Variants in SLC4A4 observed in about 807,000 individuals in gnomAD.
SLC4A4 encodes the protein electrogenic sodium bicarbonate cotransporter 1.
A neutral mutation model predicts 111.5 loss-of-function variants in SLC4A4; 27 were observed. The observed-to-expected ratio is 0.24, with a 90% confidence interval of 0.18 to 0.33. SLC4A4 has a LOEUF of 0.33. SLC4A4 is among the 10% of genes least tolerant of loss of function. SLC4A4 has a pLI of 1.00. For missense variants in SLC4A4, 909 were observed against 1,315.5 expected (o/e 0.69, Z 4.78); for synonymous variants, 443 against 463.4 (o/e 0.96, Z 0.57).
chr4:71,169,218 G>A (rs1274328140), intron 2 of SLC4A4, among the ~76,000 whole-genome samples: 4 of 149,904 alleles, frequency 2.7e-5, no homozygotes, highest in Admixed American at 2.0e-4. Flanking sequence ...GTTTCACCAT[G>A]TTGGTCAGGC....
At chr4:71,293,199 C>A (rs866853768) in intron 3 of SLC4A4, among the ~76,000 whole-genome samples, 4 of 151,182 alleles carry the variant, frequency 2.6e-5, no homozygotes, top group Non-Finnish European at 4.4e-5. Flanking sequence ...TGACTACTTA[C>A]TTGATTAATA....
At chr4:71,084,521 A>C (rs937038972) in intron 1 of SLC4A4, among the ~76,000 whole-genome samples, 7 of 152,022 alleles carry the variant, frequency 4.6e-5, no homozygotes, top group Non-Finnish European at 8.8e-5. Context: ...GTCATTTAAC[A>C]TTAGGTATAT....
intron 7 of SLC4A4, chr4:71,437,552 T>C (rs1231473073): frequency 9.9e-6 from 5 of 504,952 alleles, no homozygotes; most frequent in Non-Finnish European, 2.0e-5. Context: ...AAAACAATGC[T>C]TGGCATTTTT....
At chr4:71,472,316 T>A (rs1244739903) in intron 13 of SLC4A4, among the ~76,000 whole-genome samples, 3 of 151,946 alleles carry the variant, frequency 2.0e-5, no homozygotes, top group Non-Finnish European at 4.4e-5. Flanking sequence ...GATCTTCATG[T>A]CTTTATGAAC....
intron 7 of SLC4A4, among the ~76,000 whole-genome samples, chr4:71,412,970 C>T (rs898578725): frequency 1.3e-5 from 2 of 152,236 alleles, no homozygotes; most frequent in South Asian, 2.1e-4. Context: ...GATCTCAGGT[C>T]AATATGTCAG....
intron 6 of SLC4A4, among the ~76,000 whole-genome samples, chr4:71,391,753 AAC>A (rs916253417): frequency 1.7e-4 from 26 of 152,000 alleles, no homozygotes; most frequent in Admixed American, 1.2e-3. Context: ...AATCTTAAAA[AAC>A]ACAAAGTTTC....
At chr4:71,512,193 C>G (rs1244414448) in intron 16 of SLC4A4, among the ~76,000 whole-genome samples, 2 of 152,072 alleles carry the variant, frequency 1.3e-5, no homozygotes, top group African/African-American at 2.4e-5. Flanking sequence ...TTTGGGAAAT[C>G]TCAATAGTGT....
chr4:71,160,574 G>A (rs1163265729), intron 2 of SLC4A4, among the ~76,000 whole-genome samples: 1 of 151,968 alleles, frequency 6.6e-6, no homozygotes, highest in East Asian at 1.9e-4. Flanking sequence ...TGTGGACAGA[G>A]GGAAAGGGGC....
chr4:71,438,837 A>G (rs572952164), intron 7 of SLC4A4, among the ~76,000 whole-genome samples: 40 of 152,296 alleles, frequency 2.6e-4, no homozygotes, highest in African/African-American at 9.1e-4. Flanking sequence ...ATTTTGCCTT[A>G]TGAATGGTTA....
chr4:71,285,952 T>C (rs1723880961), intron 3 of SLC4A4, among the ~76,000 whole-genome samples: 2 of 152,060 alleles, frequency 1.3e-5, no homozygotes, highest in Admixed American at 1.3e-4. Flanking sequence ...AAAGTTCAGA[T>C]TTCTGGCCAG....
chr4:71,087,153 A>C (rs1742202751), intron 1 of SLC4A4, among the ~76,000 whole-genome samples: 1 of 152,012 alleles, frequency 6.6e-6, no homozygotes, highest in Non-Finnish European at 1.5e-5. Flanking sequence ...TGTATCGAGG[A>C]ATGTATCCAT....
chr4:71,533,032 T>G (rs1428467366), intron 17 of SLC4A4, among the ~76,000 whole-genome samples: 1 of 152,126 alleles, frequency 6.6e-6, no homozygotes, highest in Non-Finnish European at 1.5e-5. Flanking sequence ...ACAAGTCTTT[T>G]ATCTATTTTC....
At chr4:71,559,486 T>C (rs1736762450) in intron 22 of SLC4A4, among the ~76,000 whole-genome samples, 1 of 151,784 alleles carries the variant, frequency 6.6e-6, no homozygotes, top group South Asian at 2.1e-4. Context: ...ATAATACCTA[T>C]TTTGGGGGTT....
chr4:71,354,954 C>T (rs1007092597), intron 5 of SLC4A4, among the ~76,000 whole-genome samples: 7 of 152,098 alleles, frequency 4.6e-5, no homozygotes, highest in Non-Finnish European at 8.8e-5. Flanking sequence ...TTTTGAACAC[C>T]GAAGGCTTAA....
chr4:71,284,583 C>A (rs1723763246), intron 3 of SLC4A4, among the ~76,000 whole-genome samples: 1 of 152,128 alleles, frequency 6.6e-6, no homozygotes, highest in African/African-American at 2.4e-5. Context: ...TTTTTATAAG[C>A]TATATTCTAT....
intron 20 of SLC4A4, among the ~76,000 whole-genome samples, chr4:71,551,218 G>A (rs1173616960): frequency 6.6e-6 from 1 of 151,932 alleles, no homozygotes; most frequent in Non-Finnish European, 1.5e-5. Context: ...TACTTTTGTT[G>A]CCTTTGCTTG....
intron 5 of SLC4A4, among the ~76,000 whole-genome samples, chr4:71,352,250 G>C (rs1278707947): frequency 6.6e-6 from 1 of 152,092 alleles, no homozygotes; most frequent in Non-Finnish European, 1.5e-5. Context: ...TACACAAGTT[G>C]AAAATAAATC....
chr4:71,207,317 T>C (rs1254949134), intron 1 of SLC4A4, among the ~76,000 whole-genome samples: 1 of 152,232 alleles, frequency 6.6e-6, no homozygotes, highest in African/African-American at 2.4e-5. Flanking sequence ...CTTTAGTATG[T>C]CTAGACAGAT....
intron 7 of SLC4A4, among the ~76,000 whole-genome samples, chr4:71,430,693 A>T (rs1723563305): frequency 6.6e-6 from 1 of 152,118 alleles, no homozygotes; most frequent in African/African-American, 2.4e-5. Flanking sequence ...CTTTCTCTTC[A>T]TCCATTTTCC....
Sources: gnomAD v4.1 joint callset for allele counts (sites outside exome capture counted in the v4.1 genomes callset) on GRCh38, gnomAD v4.1.1 for gene constraint, MANE v1.5 for transcripts, NCBI Gene and HGNC (gene_info 2026-07-23, HGNC 2026-07-21) for gene names.